Variants in SCOC observed in about 807,000 individuals in gnomAD.
SCOC encodes the protein short coiled coil protein.
Under a neutral mutation model 9.9 loss-of-function variants are expected in SCOC, and 7 were observed. The ratio of observed to expected loss-of-function variants is 0.71; its 90% confidence interval spans 0.40 to 1.33. The LOEUF (loss-of-function observed/expected upper bound fraction) is 1.33. SCOC is among the 40% of genes most tolerant of loss of function. The pLI, the probability that SCOC is intolerant of heterozygous loss-of-function variation, is 0.01. For missense variants in SCOC, 66 were observed against 89.7 expected (o/e 0.74, Z 1.07); for synonymous variants, 19 against 28.2 (o/e 0.67, Z 1.03).
At chr4:140,292,069 C>T (rs1731490671) in intron 1 of SCOC, among the ~76,000 whole-genome samples, 1 of 152,006 alleles carries the variant, frequency 6.6e-6, no homozygotes, top group South Asian at 2.1e-4. Flanking sequence ...CTCCTCTGTT[C>T]CTGCCTTCTT....
rs1560720517 is a variant in SCOC, at chr4:140,362,272, TC to T, written c.71-16847del. Among the ~76,000 whole-genome samples the T allele has an allele frequency of 3.0e-3, 63 of 21,214 alleles. 2 individuals are homozygous for T. The highest frequency in any genetic ancestry group is 6.0e-3 in the African/African-American group (38 of 6,308). 13.9% of individuals were successfully genotyped at this position (21,214 alleles called of 152,430 possible). A position where few individuals can be genotyped will look rare whatever the true frequency, so the allele number is the denominator to read the frequency against. On this transcript the variant is annotated intron_variant, in intron 2 of 4. Coordinates refer to the SCOC transcript ENST00000338517. ...TAAAGACCGGCTAAAGACAGGTGTGTCCTTACTTCTTCTTCTTCTTCTTCTT... is the reference window on the plus strand; with the variant it reads ...TAAAGACCGGCTAAAGACAGGTGTGTCTTACTTCTTCTTCTTCTTCTTCTT...
chr4:140,343,480 C>T, intron 1 of SCOC: 1 of 583,842 alleles, frequency 1.7e-6, no homozygotes, highest in Non-Finnish European at 3.1e-6. Flanking sequence ...GTGAGAACTT[C>T]TCAGGTGGAA....
intron 1 of SCOC, among the ~76,000 whole-genome samples, chr4:140,336,264 A>G (rs1732955827): frequency 6.6e-6 from 1 of 152,152 alleles, no homozygotes; most frequent in South Asian, 2.1e-4. Context: ...TAAAGTACAC[A>G]ATTCAGTGGC....
At chr4:140,267,618 G>A (rs538901197) in intron 1 of SCOC, among the ~76,000 whole-genome samples, 10 of 152,214 alleles carry the variant, frequency 6.6e-5, no homozygotes, top group African/African-American at 2.2e-4. Flanking sequence ...CTTCCCAGCC[G>A]CGCACCTCTC....
chr4:140,278,276 G>A (rs1731027568), intron 1 of SCOC, among the ~76,000 whole-genome samples: 1 of 151,868 alleles, frequency 6.6e-6, no homozygotes, highest in South Asian at 2.1e-4. Flanking sequence ...CAGTGGAAAA[G>A]TGGAAGAGGG....
intron 1 of SCOC, among the ~76,000 whole-genome samples, chr4:140,330,763 A>G (rs1322529762): frequency 1.3e-5 from 2 of 152,236 alleles, no homozygotes; most frequent in Non-Finnish European, 2.9e-5. Flanking sequence ...GAGGATATGG[A>G]CATGAAAGTA....
chr4:140,366,360 G>A (rs1421861906), intron 2 of SCOC: 2 of 1,243,052 alleles, frequency 1.6e-6, no homozygotes, highest in African/African-American at 1.5e-5. Flanking sequence ...CTAAGCTGGA[G>A]CCTTCTTGCC....
rs538863243 is a variant in SCOC, at chr4:140,354,206, T to A, written c.70+10498T>A. ...AAAAATGTTTAGAAGATTTTTTTTT[T>A]AACAATGTTTCTTATCATTCTTTTT... On this transcript the variant is annotated intron_variant, in intron 2 of 4. Transcript: ENST00000338517. Among the ~76,000 whole-genome samples, 26 of 152,314 alleles carry A rather than the reference T, an allele frequency of 1.7e-4. 1 individual carries two copies. Among genetic ancestry groups the A allele is most frequent in the African/African-American group, 5.1e-4 (21 of 41,568 alleles).
chr4:140,360,396 G>T (rs894537845), intron 2 of SCOC, among the ~76,000 whole-genome samples: 1 of 152,068 alleles, frequency 6.6e-6, no homozygotes, highest in African/African-American at 2.4e-5. Flanking sequence ...CCTGACAGTT[G>T]TCAGAGACAT....
chr4:140,287,279 GCCACACA>G (rs1252864598), intron 1 of SCOC, among the ~76,000 whole-genome samples: 1 of 145,332 alleles, frequency 6.9e-6, no homozygotes, highest in African/African-American at 2.8e-5. Context: ...ATGTGCACAT[GCCACACA>G]GACCATGCAC....
chr4:140,280,653 T>C (rs1479993384), intron 1 of SCOC, among the ~76,000 whole-genome samples: 1 of 152,248 alleles, frequency 6.6e-6, no homozygotes, highest in Non-Finnish European at 1.5e-5. Context: ...GTCAAATGCC[T>C]GTGTTTTCAT....
At chr4:140,311,705 A>G (rs1015237239) in intron 1 of SCOC, among the ~76,000 whole-genome samples, 6 of 152,050 alleles carry the variant, frequency 3.9e-5, no homozygotes, top group African/African-American at 9.7e-5. Flanking sequence ...CTTTACCCCA[A>G]CCATAAGACT....
intron 1 of SCOC, chr4:140,284,919 A>G: frequency 4.7e-6 from 1 of 211,166 alleles, no homozygotes; most frequent in Non-Finnish European, 9.7e-6. Context: ...AGAAAACTAA[A>G]TGAATGCATC....
chr4:140,363,054 T>C (rs1727639942), intron 2 of SCOC, among the ~76,000 whole-genome samples: 1 of 152,158 alleles, frequency 6.6e-6, no homozygotes, highest in East Asian at 1.9e-4. Context: ...CCACTTGCCA[T>C]AAAAGCCAAA....
chr4:140,367,561 G>A (rs1224042528), intron 2 of SCOC, among the ~76,000 whole-genome samples: 1 of 152,040 alleles, frequency 6.6e-6, no homozygotes, highest in Non-Finnish European at 1.5e-5. Context: ...TGTATTTTTA[G>A]TAGAGACGGG....
intron 1 of SCOC, among the ~76,000 whole-genome samples, chr4:140,286,211 C>T (rs989388912): frequency 6.6e-6 from 1 of 151,920 alleles, no homozygotes; most frequent in East Asian, 1.9e-4. Flanking sequence ...GAATGCTTAC[C>T]TTGCTGGCTT....
At chr4:140,302,887 A>G (rs1367940801) in intron 1 of SCOC, among the ~76,000 whole-genome samples, 2 of 152,222 alleles carry the variant, frequency 1.3e-5, no homozygotes, top group African/African-American at 2.4e-5. Context: ...AATATATTCA[A>G]GGGCGGTTTC....
chr4:140,311,748 C>G (rs1732161782), intron 1 of SCOC, among the ~76,000 whole-genome samples: 1 of 152,146 alleles, frequency 6.6e-6, no homozygotes, highest in African/African-American at 2.4e-5. Context: ...TTTGGTCTTA[C>G]ATTTCTTACC....
chr4:140,292,056 C>T (rs1158585913), intron 1 of SCOC, among the ~76,000 whole-genome samples: 1 of 152,082 alleles, frequency 6.6e-6, no homozygotes, highest in African/African-American at 2.4e-5. Flanking sequence ...CCTCTGCCTC[C>T]TGCTCCTCTG....
Sources: allele counts gnomAD v4.1 joint callset (sites outside exome capture counted in the v4.1 genomes callset), GRCh38; gene constraint gnomAD v4.1.1; transcripts MANE v1.5; gene names NCBI Gene and HGNC (gene_info 2026-07-23, HGNC 2026-07-21).